XRN1: variants seen among roughly 807,000 people sequenced by gnomAD.
The protein encoded by XRN1 is 5'-3' exoribonuclease 1, also known as strand-exchange protein 1 homolog.
A neutral mutation model predicts 222.3 loss-of-function variants in XRN1; 67 were observed. That is an observed-to-expected ratio of 0.30 (90% confidence interval 0.25 to 0.37). The LOEUF (loss-of-function observed/expected upper bound fraction) is 0.37, where lower values mean the gene tolerates loss of function less well. XRN1 is among the 10% of genes least tolerant of loss of function. The pLI is 1.00. For synonymous variants in XRN1, 643 were observed against 652.4 expected, an observed-to-expected ratio of 0.99 and a Z score of 0.22; for missense variants, 1,707 against 2,000.2, an observed-to-expected ratio of 0.85 and a Z score of 2.80.
At chr3:142,374,639 C>T (rs1234572615) in intron 25 of XRN1, among the ~76,000 whole-genome samples, 1 of 152,058 alleles carries the variant, frequency 6.6e-6, no homozygotes, top group Non-Finnish European at 1.5e-5. Context: ...AAAGCTGAAG[C>T]TCAGGATAGG....
chr3:142,415,331 C>CAA (rs144936540), intron 13 of XRN1, among the ~76,000 whole-genome samples: 2 of 151,394 alleles, frequency 1.3e-5, no homozygotes, highest in East Asian at 3.9e-4. Context: ...GCGTACATTT[C>CAA]AAAAAAAATG....
chr3:142,332,802 T>C (rs969478149), intron 35 of XRN1, 165 bp downstream of exon 35: 7 of 1,057,222 alleles, frequency 6.6e-6, no homozygotes, highest in Middle Eastern at 2.1e-4. Flanking sequence ...AGAGAAAAAG[T>C]ATGGCTAAAT....
In XRN1 at chr3:142,403,671, T is replaced by TA; in HGVS notation, c.2103+2dup. The TA allele has an allele frequency of 6.2e-7, 1 of 1,610,996 alleles. No homozygotes were observed. The highest frequency in any genetic ancestry group is 8.5e-7 in the Non-Finnish European group (1 of 1,177,770). ...ATAAATGAATGATAAATAAAATACTTACAAGTTCATCTGATTCTGCATCCA... is the reference window on the plus strand; with the variant it reads ...ATAAATGAATGATAAATAAAATACTTAACAAGTTCATCTGATTCTGCATCCA... On this transcript the variant is annotated splice_region_variant and intron_variant, in intron 18 of 40. Transcript: ENST00000392981.
Position 142,421,048 on chromosome 3 carries a change from C to T in XRN1, c.1141G>A (p.Ala381Thr), listed in dbSNP as rs769808686. ...NEAAGVAAEE[A>T]RNYKEKKKLK... ...TTTTTCTTTTCCTTGTAGTTCCTGG[C>T]TTCTTCTGCTGCGACACCTGCTGCT... Residue 381 changes from alanine to threonine, a missense_variant, in exon 10 of 41, where the codon GCC becomes ACC. This residue lies in a region of XRN1 where 1,234 missense variants were observed against 1,518.2 expected (regional missense o/e 0.81). Transcript: ENST00000392981. 1.2e-5 allele frequency: 19 copies of T among 1,613,912 alleles called. No individual in the cohort carries two copies. Among genetic ancestry groups the T allele is most frequent in the Non-Finnish European group, 1.6e-5 (19 of 1,179,976 alleles).
intron 1 of XRN1, among the ~76,000 whole-genome samples, chr3:142,438,768 T>C (rs957928394): frequency 2.6e-5 from 4 of 152,170 alleles, no homozygotes; most frequent in African/African-American, 9.7e-5. Flanking sequence ...CAGCTAGACC[T>C]CTTCTGTAGA....
At position 142,412,525 on chromosome 3, in the gene XRN1, G is replaced by T. The variant is rs1222322492; in HGVS notation, c.1713+19C>A. ...GATTAAGAATGTATGTGTATGTAAT[G>T]ATTATTTCATGCACTGACCTCATCA... On this transcript the variant is annotated intron_variant, in intron 15 of 40. Coordinates refer to ENST00000392981, the MANE Select transcript of XRN1 (RefSeq NM_001282857.2). 43 of 1,567,046 alleles carry T rather than the reference G, an allele frequency of 2.7e-5. No homozygotes were observed. The highest frequency in any genetic ancestry group is 3.7e-5 in the Non-Finnish European group (42 of 1,149,968).
intron 20 of XRN1, among the ~76,000 whole-genome samples, chr3:142,394,479 C>T (rs1470497298): frequency 6.6e-6 from 1 of 152,134 alleles, no homozygotes; most frequent in Admixed American, 6.6e-5. Flanking sequence ...ATTTTCAAAC[C>T]TCCTTCACTC....
intron 15 of XRN1, among the ~76,000 whole-genome samples, chr3:142,411,707 T>C (rs1386748456): frequency 6.6e-6 from 1 of 152,176 alleles, no homozygotes; most frequent in Non-Finnish European, 1.5e-5. Context: ...TATTTAGAAG[T>C]GTGCTATTTA....
At chr3:142,425,915 G>C (rs1167752468) in intron 3 of XRN1, among the ~76,000 whole-genome samples, 2 of 151,224 alleles carry the variant, frequency 1.3e-5, no homozygotes, top group African/African-American at 4.9e-5. Flanking sequence ...TTTAAGGCTT[G>C]CAGCTTAAAT....
intron 17 of XRN1, 23 bp downstream of exon 17, chr3:142,403,846 T>C (rs369075979): frequency 1.2e-6 from 2 of 1,611,830 alleles, no homozygotes; most frequent in Non-Finnish European, 1.7e-6. Context: ...AGTGAAAAAA[T>C]TCTGAACTAA....
chr3:142,378,070 GA>G (rs1457527866), intron 23 of XRN1, among the ~76,000 whole-genome samples: 10 of 150,274 alleles, frequency 6.7e-5, no homozygotes, highest in African/African-American at 9.8e-5. Context: ...ACTATTAGTG[GA>G]AAAAAAAAGG....
At chr3:142,444,987 T>C (rs1324277853) in intron 1 of XRN1, among the ~76,000 whole-genome samples, 1 of 152,248 alleles carries the variant, frequency 6.6e-6, no homozygotes, top group Non-Finnish European at 1.5e-5. Context: ...CAAAAAATAT[T>C]TACTGAGTAC....
chr3:142,366,233 G>A lies in XRN1; in HGVS notation c.3205-867C>T, dbSNP rs187193204. 1.4e-4 allele frequency among the ~76,000 whole-genome samples: 21 copies of A among 152,074 alleles called. No homozygotes were observed. The East Asian group carries it at 2.7e-3, about 20-fold the overall frequency. On this transcript the variant is annotated intron_variant, in intron 27 of 40. Coordinates refer to ENST00000392981, the MANE Select transcript of XRN1 (RefSeq NM_001282857.2). ...AAAAAATTTAAAGTTAATTCTTATC[G>A]AATTTTAAAAATTACAGCAGTTTAA...
chr3:142,328,222 T>C (rs921007145), intron 37 of XRN1, among the ~76,000 whole-genome samples: 9 of 152,182 alleles, frequency 5.9e-5, no homozygotes, highest in African/African-American at 2.2e-4. Flanking sequence ...CAAGACACAC[T>C]GTTAGGTTGT....
rs371918016 is a variant in XRN1 at position 142,417,605 on chromosome 3, A to G, written c.1347-376T>C. Reference sequence around the variant, plus strand: ...ATGGGAATCTTCTTTACATGGGATGATATCTGAGAGAAGCAAAGCAGCAAA... The same window carrying G: ...ATGGGAATCTTCTTTACATGGGATGGTATCTGAGAGAAGCAAAGCAGCAAA... On this transcript the variant is annotated intron_variant, in intron 12 of 40. Coordinates refer to ENST00000392981, the MANE Select transcript of XRN1 (RefSeq NM_001282857.2). 2.6e-5 allele frequency among the ~76,000 whole-genome samples: 4 copies of G among 152,350 alleles called. No homozygotes were observed. The South Asian group carries it at 6.2e-4, about 24-fold the overall frequency.
At position 142,318,693 on chromosome 3, in the gene XRN1, C is replaced by T. The variant is rs377362157; in HGVS notation, c.4520G>A (p.Gly1507Asp). The T allele has an allele frequency of 6.2e-7, 1 of 1,609,350 alleles. No individual in the cohort carries two copies. The highest frequency in any genetic ancestry group is 1.1e-5 in the South Asian group (1 of 90,144). ...CAAAGGGAAATTCATGCCTAAGGAG[C>T]CCTGTGGAAGTATTTAAAAGTTACA... ...KAALFALQQL[G>D]SLGMNFPLPS... The change falls in exon 39 of 41, where the codon GGC becomes GAC. Residue 1507 changes from glycine (G) to aspartate (D), a missense_variant and splice_region_variant. Gly to Asp is a moderately conservative substitution (Grantham distance 94). This residue lies in a region of XRN1 where 473 missense variants were observed against 482.0 expected (regional missense o/e 0.98). Coordinates refer to ENST00000392981, the MANE Select transcript of XRN1 (RefSeq NM_001282857.2).
intron 19 of XRN1, among the ~76,000 whole-genome samples, chr3:142,397,832 C>G (rs1238788148): frequency 6.6e-6 from 1 of 152,040 alleles, no homozygotes; most frequent in African/African-American, 2.4e-5. Context: ...TGAAAATGTT[C>G]CCAACACAAA....
chr3:142,432,730 A>G lies in XRN1; in HGVS notation c.239T>C (p.Val80Ala). 1 of 1,613,560 alleles carries G rather than the reference A, an allele frequency of 6.2e-7. No homozygotes were observed. Among genetic ancestry groups the G allele is most frequent in the Non-Finnish European group, 8.5e-7 (1 of 1,179,774 alleles). ...VLFRIIKPRK[V>A]FFMAVDGVAP... Reference sequence around the variant, plus strand: ...CACACCATCTACAGCCATAAAGAACACTTTCCTGGGTTTAATAATGCGAAA... The same window carrying G: ...CACACCATCTACAGCCATAAAGAACGCTTTCCTGGGTTTAATAATGCGAAA... The change falls in exon 2 of 41, where the codon GTG (valine) becomes GCG (alanine). Residue 80 changes from valine (V) to alanine (A), a missense_variant. Coordinates refer to ENST00000392981, the MANE Select transcript of XRN1 (RefSeq NM_001282857.2).
At chr3:142,423,701 A>C in intron 5 of XRN1, 59 bp from the exon 6 acceptor site, 1 of 1,346,534 alleles carries the variant, frequency 7.4e-7, no homozygotes, top group Non-Finnish European at 1.0e-6. Flanking sequence ...TATTAGGTTC[A>C]CAAAAGCAAT....
Sources: allele counts gnomAD v4.1 joint callset (sites outside exome capture counted in the v4.1 genomes callset), GRCh38; gene constraint gnomAD v4.1.1; regional missense constraint gnomAD v4.1.1; transcripts MANE v1.5; gene names NCBI Gene and HGNC (gene_info 2026-07-23, HGNC 2026-07-21).